The following COL4A3 variants were observed in gnomAD, a reference collection of about 807,000 sequenced individuals.
The protein encoded by COL4A3 is collagen alpha-3(IV) chain.
A neutral mutation model predicts 217.4 loss-of-function variants in COL4A3; 135 were observed. The ratio of observed to expected loss-of-function variants is 0.62; its 90% CI spans 0.54 to 0.72. COL4A3 has a LOEUF of 0.72. COL4A3 is among the 30% of genes least tolerant of loss of function. The probability of loss-of-function intolerance (pLI) is 0.00; values close to 1 mark genes in which losing one functional copy is unlikely to be tolerated. For synonymous variants in COL4A3, 690 were observed against 736.3 expected, an observed-to-expected ratio of 0.94 and a Z score of 1.02; for missense variants, 1,868 against 2,119.9, an observed-to-expected ratio of 0.88 and a Z score of 2.33.
intron 1 of COL4A3, among the ~76,000 whole-genome samples, chr2:227,193,299 C>T (rs971157721): frequency 1.1e-4 from 17 of 152,272 alleles, no homozygotes; most frequent in African/African-American, 4.1e-4. Flanking sequence ...TTTAAAACAA[C>T]GACAGCAAAA....
chr2:227,186,968 T>C (rs1380076361), intron 1 of COL4A3, among the ~76,000 whole-genome samples: 1 of 152,158 alleles, frequency 6.6e-6, no homozygotes, highest in Non-Finnish European at 1.5e-5. Flanking sequence ...CAAATTCCCT[T>C]GGGACTCTTT....
intron 1 of COL4A3, among the ~76,000 whole-genome samples, chr2:227,198,370 A>T (rs1461315530): frequency 6.6e-6 from 1 of 152,234 alleles, no homozygotes; most frequent in African/African-American, 2.4e-5. Context: ...TCCAAATTGT[A>T]GCAATACTTA....
intron 1 of COL4A3, among the ~76,000 whole-genome samples, chr2:227,165,490 A>G (rs1375691737): frequency 1.3e-5 from 2 of 152,190 alleles, no homozygotes; most frequent in Non-Finnish European, 2.9e-5. Flanking sequence ...AATCCATCCC[A>G]TATTTCTTAT....
At chr2:227,284,464 G>A (rs2072197022) in intron 34 of COL4A3, 119 bp downstream of exon 34, 3 of 1,156,868 alleles carry the variant, frequency 2.6e-6, no homozygotes, top group Non-Finnish European at 3.8e-6. Context: ...TTAGTTACCT[G>A]CCCATCACAC....
chr2:227,164,866 C>T lies in COL4A3; in HGVS notation c.87+53C>T. Reference sequence around the variant, plus strand: ...CCCGCACTTCCATCCCTCCTCCACGCGTCCGGGGGACGCGCTGGCCCCACC... The same window carrying T: ...CCCGCACTTCCATCCCTCCTCCACGTGTCCGGGGGACGCGCTGGCCCCACC... On this transcript the variant is annotated intron_variant, in intron 1 of 51. Coordinates refer to ENST00000396578, the MANE Select transcript of COL4A3 (RefSeq NM_000091.5). The surrounding 1 kb of genome is among the most constrained non-coding windows in gnomAD (Gnocchi z 4.8). 7.0e-7 allele frequency: 1 copy of T among 1,434,516 alleles called. No individual in the cohort carries two copies. The highest frequency in any genetic ancestry group is 9.1e-7 in the Non-Finnish European group (1 of 1,100,894). The allele number at this position is 1,434,516 out of a possible 1,614,324, so 88.9% of individuals were successfully genotyped here.
At chr2:227,254,808 G>T in intron 15 of COL4A3, 93 bp downstream of exon 15, 1 of 903,324 alleles carries the variant, frequency 1.1e-6, no homozygotes, top group Admixed American at 1.8e-5. Flanking sequence ...ACTCAAACTA[G>T]CTCAAGCTAA....
intron 21 of COL4A3, chr2:227,266,077 A>G (rs891866741): frequency 3.2e-6 from 1 of 307,704 alleles, no homozygotes; most frequent in Non-Finnish European, 6.2e-6. Context: ...CATGGGGATT[A>G]TAGAACTACA....
chr2:227,303,807 A>G, intron 44 of COL4A3, 52 bp from the exon 45 acceptor site: 2 of 1,552,322 alleles, frequency 1.3e-6, no homozygotes, highest in Non-Finnish European at 1.8e-6. Context: ...CTGAAGAACT[A>G]GGAAACCCAT....
intron 41 of COL4A3, chr2:227,296,484 T>C (rs1574820800): frequency 7.1e-6 from 7 of 981,610 alleles, no homozygotes; most frequent in Non-Finnish European, 7.3e-6. Context: ...TCAATCCCTC[T>C]AGGATAACTA....
Position 227,288,051 on chromosome 2 carries a change from G to A in COL4A3, c.2882-1099G>A, listed in dbSNP as rs372876560. Among the ~76,000 whole-genome samples, 50 of 152,288 alleles carry A rather than the reference G, an allele frequency of 3.3e-4. 4 individuals are homozygous for A. The highest frequency in any genetic ancestry group is 2.2e-3 in the Admixed American group (34 of 15,294). On this transcript the variant is annotated intron_variant, in intron 34 of 51. Transcript: ENST00000396578. ...AGATTGCAGAATGCTTCATGCTGCC[G>A]AAAGAGTTTGCAATTTACTCTGTAA...
At chr2:227,240,271 C>A in intron 3 of COL4A3, 39 bp downstream of exon 3, 1 of 1,559,390 alleles carries the variant, frequency 6.4e-7, no homozygotes, top group African/African-American at 1.4e-5. Context: ...CCCAACCCAC[C>A]TAACCCTCTT....
At chr2:227,215,493 C>T (rs1225620878) in intron 1 of COL4A3, among the ~76,000 whole-genome samples, 1 of 152,160 alleles carries the variant, frequency 6.6e-6, no homozygotes, top group African/African-American at 2.4e-5. Flanking sequence ...GAGTCTCGCT[C>T]TGTCGCCCAG....
At chr2:227,199,607 C>A (rs1432471306) in intron 1 of COL4A3, among the ~76,000 whole-genome samples, 1 of 152,156 alleles carries the variant, frequency 6.6e-6, no homozygotes, top group Admixed American at 6.5e-5. Flanking sequence ...AGGATTAATC[C>A]CTTACTTTAG....
At chr2:227,309,525 A>C (rs1328300391) in intron 50 of COL4A3, among the ~76,000 whole-genome samples, 1 of 152,012 alleles carries the variant, frequency 6.6e-6, no homozygotes, top group Non-Finnish European at 1.5e-5. Context: ...TCTCAGGAGG[A>C]GATTACCTAC....
Position 227,294,589 on chromosome 2 carries a change from C to A in COL4A3, c.3418+19C>A. On this transcript the variant is annotated intron_variant, in intron 39 of 51. Transcript: ENST00000396578. The stretch of plus-strand genomic sequence containing the variant: ...CCTCCAGGTTTCATTTTTGTACTTT[C>A]TCTTTTTCCTTTTCATGTGGGAGAC... 1 of 1,550,936 alleles carries A rather than the reference C, an allele frequency of 6.4e-7. No individual in the cohort carries two copies. Among genetic ancestry groups the A allele is most frequent in the Non-Finnish European group, 8.9e-7 (1 of 1,122,646 alleles).
At chr2:227,304,916 CG>C in intron 46 of COL4A3, 68 bp from the exon 47 acceptor site, 2 of 1,267,946 alleles carry the variant, frequency 1.6e-6, no homozygotes, top group Non-Finnish European at 2.3e-6. Context: ...CCTGGGTTAA[CG>C]GGATGGTTGG....
chr2:227,217,989 A>G (rs1055926546), intron 1 of COL4A3, among the ~76,000 whole-genome samples: 2 of 151,308 alleles, frequency 1.3e-5, no homozygotes, highest in Non-Finnish European at 2.9e-5. Context: ...TTCATCCATT[A>G]AAATACACAT....
chr2:227,298,379 G>C (rs946310557), intron 42 of COL4A3, among the ~76,000 whole-genome samples: 2 of 152,120 alleles, frequency 1.3e-5, no homozygotes, highest in African/African-American at 2.4e-5. Context: ...AAAAGACAGT[G>C]ATGCATTCAT....
intron 43 of COL4A3, 49 bp from the exon 44 acceptor site, chr2:227,302,985 TTGAG>T (rs2073358267): frequency 8.4e-7 from 1 of 1,188,840 alleles, no homozygotes; most frequent in African/African-American, 1.5e-5. Flanking sequence ...CTGCTGTGAA[TTGAG>T]TGATTTTAAA....
Sources: gnomAD v4.1 joint callset for allele counts (sites outside exome capture counted in the v4.1 genomes callset) on GRCh38, gnomAD v4.1.1 for gene constraint, Gnocchi (gnomAD v3.1) non-coding constraint, MANE v1.5 for transcripts, NCBI Gene and HGNC (gene_info 2026-07-23, HGNC 2026-07-21) for gene names.